USH2A: variants seen among roughly 807,000 people sequenced by gnomAD.
USH2A encodes usherin.
Under a neutral mutation model 538.9 loss-of-function variants are expected in USH2A, and 443 were observed. The ratio of observed to expected loss-of-function variants is 0.82; its 90% CI spans 0.76 to 0.89. The LOEUF is 0.89. USH2A is among the 40% of genes least tolerant of loss of function. The pLI is 0.00. For missense variants in USH2A, 6,633 were observed against 6,324.8 expected (o/e 1.05, Z -1.65); for synonymous variants, 2,413 against 2,273.5 (o/e 1.06, Z -1.75).
chr1:216,146,800 A>G (rs2033715956), intron 21 of USH2A, among the ~76,000 whole-genome samples: 1 of 151,854 alleles, frequency 6.6e-6, no homozygotes, highest in Non-Finnish European at 1.5e-5. Flanking sequence ...CTCCTTCACT[A>G]TGGGCAACCT....
chr1:216,066,497 C>T (rs2031375843), intron 30 of USH2A, among the ~76,000 whole-genome samples: 1 of 151,906 alleles, frequency 6.6e-6, no homozygotes, highest in Non-Finnish European at 1.5e-5. Context: ...ATAATAATTG[C>T]TATCCATTTC....
rs186803905 is a variant in USH2A, at chr1:216,094,105, C to A, written c.4758+2978G>T. On this transcript the variant is annotated intron_variant, in intron 22 of 71. Coordinates refer to ENST00000307340, the MANE Select transcript of USH2A (RefSeq NM_206933.4). ...CTTCTTAAATATCTCCAGATACTAA[C>A]AGGTTGAAGGGGAAAAAGCAGAGCC... Among the ~76,000 whole-genome samples, 477 of 152,196 alleles carry A rather than the reference C, an allele frequency of 3.1e-3. 2 individuals are homozygous for A. The highest frequency in any genetic ancestry group is 0.01 in the Middle Eastern group (3 of 294).
At chr1:215,830,836 T>C (rs1334463002) in intron 47 of USH2A, among the ~76,000 whole-genome samples, 3 of 152,200 alleles carry the variant, frequency 2.0e-5, no homozygotes, top group African/African-American at 7.2e-5. Flanking sequence ...TTTGTTATGC[T>C]ACTTTATGAA....
At chr1:216,378,949 T>C (rs528213434) in intron 3 of USH2A, among the ~76,000 whole-genome samples, 10 of 152,318 alleles carry the variant, frequency 6.6e-5, no homozygotes, top group African/African-American at 2.2e-4. Context: ...TCACCCTAGA[T>C]TGGATTTGAT....
At chr1:216,208,337 T>G (rs2035165064) in intron 15 of USH2A, among the ~76,000 whole-genome samples, 1 of 152,152 alleles carries the variant, frequency 6.6e-6, no homozygotes, top group Admixed American at 6.5e-5. Context: ...ACATTCTCCT[T>G]AAATAAGATG....
At chr1:216,081,872 T>C (rs901287961) in intron 26 of USH2A, among the ~76,000 whole-genome samples, 1 of 152,068 alleles carries the variant, frequency 6.6e-6, no homozygotes, top group Non-Finnish European at 1.5e-5. Flanking sequence ...GCTGGAATTA[T>C]AGGGGTGAGC....
At chr1:216,227,272 GAGAA>G (rs1317723320) in intron 14 of USH2A, among the ~76,000 whole-genome samples, 3 of 152,142 alleles carry the variant, frequency 2.0e-5, no homozygotes, top group Non-Finnish European at 4.4e-5. Flanking sequence ...AAGAATGAAT[GAGAA>G]AGAAACAAAA....
chr1:215,625,751 C>G lies in USH2A; in HGVS notation c.*30G>C. On this transcript the variant is annotated 3_prime_UTR_variant, in exon 72 of 72. Transcript: ENST00000307340. Reference sequence around the variant, plus strand: ...AGGAAATGGGTGCAGACCTTGCATTCCAGGGTTACGTCTTCTGGGTTTCCA... The same window carrying G: ...AGGAAATGGGTGCAGACCTTGCATTGCAGGGTTACGTCTTCTGGGTTTCCA... 3.7e-6 allele frequency: 6 copies of G among 1,608,662 alleles called. No homozygotes were observed. The highest frequency in any genetic ancestry group is 5.1e-6 in the Non-Finnish European group (6 of 1,175,182).
rs894495723 is a variant in USH2A at position 215,809,787 on chromosome 1, T to A, written c.9739+3949A>T. Among the ~76,000 whole-genome samples, 8 of 152,164 alleles carry A rather than the reference T, an allele frequency of 5.3e-5. 1 individual carries two copies. Among genetic ancestry groups the A allele is most frequent in the African/African-American group, 2.4e-5 (1 of 41,510 alleles). On this transcript the variant is annotated intron_variant, in intron 49 of 71. Coordinates refer to ENST00000307340, the MANE Select transcript of USH2A (RefSeq NM_206933.4). ...TGGAAGAAAGTCATGAGAAAAAAAA[T>A]AAAGTACGTATTTACCAATATTTCA...
At chr1:215,991,350 A>G (rs1186971073) in intron 35 of USH2A, among the ~76,000 whole-genome samples, 1 of 152,132 alleles carries the variant, frequency 6.6e-6, no homozygotes, top group African/African-American at 2.4e-5. Flanking sequence ...AGGTGTGGGG[A>G]CTTCGAAGAC....
intron 58 of USH2A, among the ~76,000 whole-genome samples, chr1:215,756,869 C>T (rs1363873868): frequency 6.6e-6 from 1 of 151,876 alleles, no homozygotes; most frequent in Admixed American, 6.6e-5. Context: ...GCTGAGATTG[C>T]ACCACTGCAC....
Position 216,422,369 on chromosome 1 carries a change from C to A in USH2A, c.-33G>T. On this transcript the variant is annotated 5_prime_UTR_variant, in exon 2 of 72. It removes an upstream start codon present in the reference 5' UTR. Transcript: ENST00000307340. ...AAAAAGCATTCTCCTCCTGATAAAG[C>A]ATTTCTAAATAAATAATCAGGCCCA... 6.2e-7 allele frequency: 1 copy of A among 1,613,056 alleles called. No individual in the cohort carries two copies. The highest frequency in any genetic ancestry group is 2.2e-5 in the East Asian group (1 of 44,762).
chr1:215,708,212 A>G (rs1036238988), intron 61 of USH2A, among the ~76,000 whole-genome samples: 5 of 152,116 alleles, frequency 3.3e-5, no homozygotes, highest in Admixed American at 2.0e-4. Context: ...TAGCTTATGT[A>G]TGGTATGTAT....
chr1:216,376,941 G>C (rs1017025221), intron 3 of USH2A, among the ~76,000 whole-genome samples: 12 of 152,212 alleles, frequency 7.9e-5, no homozygotes, highest in African/African-American at 2.6e-4. Flanking sequence ...AACAAGGGTA[G>C]AACATCCCAT....
chr1:216,243,237 A>G (rs1467834669), intron 13 of USH2A, among the ~76,000 whole-genome samples: 1 of 152,168 alleles, frequency 6.6e-6, no homozygotes, highest in African/African-American at 2.4e-5. Context: ...TTGTGCATAT[A>G]TTTCCTCAGG....
intron 55 of USH2A, among the ~76,000 whole-genome samples, chr1:215,778,796 G>C (rs1346430180): frequency 6.6e-6 from 1 of 152,162 alleles, no homozygotes; most frequent in Non-Finnish European, 1.5e-5. Flanking sequence ...GGTTGTTTGG[G>C]ATGATTCAGT....
At chr1:215,730,965 G>A (rs1379757369) in intron 60 of USH2A, among the ~76,000 whole-genome samples, 2 of 152,192 alleles carry the variant, frequency 1.3e-5, no homozygotes, top group African/African-American at 2.4e-5. Flanking sequence ...TCTTCTCAGT[G>A]ATTTTTAAAA....
At chr1:216,307,555 G>A (rs962991179) in intron 9 of USH2A, among the ~76,000 whole-genome samples, 6 of 152,180 alleles carry the variant, frequency 3.9e-5, no homozygotes, top group Admixed American at 2.0e-4. Context: ...CAACTTCTGT[G>A]CTGTGTCTGC....
intron 55 of USH2A, among the ~76,000 whole-genome samples, chr1:215,773,055 G>C (rs535713650): frequency 6.6e-6 from 1 of 152,174 alleles, no homozygotes; most frequent in Non-Finnish European, 1.5e-5. Context: ...AAATCACTTA[G>C]GCAGATAGTA....
Sources: allele counts gnomAD v4.1 joint callset (sites outside exome capture counted in the v4.1 genomes callset), GRCh38; gene constraint gnomAD v4.1.1; transcripts MANE v1.5; gene names NCBI Gene and HGNC (gene_info 2026-07-23, HGNC 2026-07-21).